Variants in TENM1 observed in about 807,000 individuals in gnomAD.
The protein encoded by TENM1 is teneurin-1.
TENM1 carries 35 observed loss-of-function variants against 174.8 expected under a neutral mutation model. That is an observed-to-expected ratio of 0.20 (90% CI 0.15 to 0.27). TENM1 has a LOEUF of 0.27. TENM1 is among the 10% of genes least tolerant of loss of function. TENM1 has a pLI of 1.00. For missense variants in TENM1, 1,633 were observed against 2,130.1 expected (o/e 0.77, Z 4.59); for synonymous variants, 781 against 798.7 (o/e 0.98, Z 0.37).
intron 5 of TENM1, among the ~76,000 whole-genome samples, chrX:124,701,928 T>C (rs1047766249): frequency 1.8e-5 from 2 of 111,690 alleles, no homozygotes; most frequent in African/African-American, 6.5e-5. Flanking sequence ...CGATTTCCCC[T>C]AGTGGATTGA....
chrX:125,084,250 T>A, the TENM1 span, among the ~76,000 whole-genome samples: 1 of 110,427 alleles, frequency 9.1e-6, no homozygotes, highest in Non-Finnish European at 1.9e-5. Flanking sequence ...CAGCCATCCA[T>A]CCATCCATTC....
the TENM1 span, among the ~76,000 whole-genome samples, chrX:125,013,508 G>T: frequency 9.0e-6 from 1 of 110,760 alleles, no homozygotes; most frequent in African/African-American, 3.3e-5. Flanking sequence ...ATTCATTTCT[G>T]CCTTTTGTTA....
At chrX:125,192,350 G>A in the TENM1 span, among the ~76,000 whole-genome samples, 18 of 112,188 alleles carry the variant, frequency 1.6e-4, no homozygotes, top group South Asian at 6.3e-3. Context: ...AAGCCTTGTA[G>A]GGCATTGTAA....
At chrX:124,614,945 G>T (rs2050364684) in intron 11 of TENM1, among the ~76,000 whole-genome samples, 1 of 111,878 alleles carries the variant, frequency 8.9e-6, no homozygotes, top group Admixed American at 9.5e-5. Flanking sequence ...ATAGAGACCA[G>T]GAGGAATTGA....
chrX:124,997,951 T>C, the TENM1 span, among the ~76,000 whole-genome samples: 2 of 110,438 alleles, frequency 1.8e-5, no homozygotes, highest in East Asian at 2.8e-4. Context: ...GTCAAGGCAA[T>C]GATCCTTGCA....
chrX:124,919,817 T>A (rs1381746539), intron 1 of TENM1, among the ~76,000 whole-genome samples: 2 of 111,363 alleles, frequency 1.8e-5, no homozygotes, highest in African/African-American at 6.5e-5. Flanking sequence ...ATTTAATCAA[T>A]GAGGGTAGCT....
chrX:124,495,563 G>A (rs2047180259), intron 20 of TENM1, among the ~76,000 whole-genome samples: 1 of 110,147 alleles, frequency 9.1e-6, no homozygotes, highest in East Asian at 2.9e-4. Flanking sequence ...ATTGCTTTTG[G>A]TGTTTTAGAC....
chrX:125,050,893 AG>A, the TENM1 span, among the ~76,000 whole-genome samples: 4 of 112,172 alleles, frequency 3.6e-5, no homozygotes, highest in Non-Finnish European at 5.6e-5. Context: ...AATTAGGAAA[AG>A]AGGAAGTCAA....
chrX:125,131,994 G>T, the TENM1 span, among the ~76,000 whole-genome samples: 2 of 112,449 alleles, frequency 1.8e-5, no homozygotes, highest in Non-Finnish European at 3.8e-5. Flanking sequence ...TCATTTGACA[G>T]TTGGGGTGAT....
intron 8 of TENM1, among the ~76,000 whole-genome samples, chrX:124,647,730 G>GGTGTGTGT (rs113751818): frequency 1.2e-4 from 12 of 103,892 alleles, no homozygotes; most frequent in African/African-American, 3.5e-4. Flanking sequence ...TTTTTTTTGT[G>GGTGTGTGT]GTGTGTGTGT....
chrX:124,769,081 CCTAT>C (rs1289618193), intron 3 of TENM1, among the ~76,000 whole-genome samples: 1 of 111,788 alleles, frequency 8.9e-6, no homozygotes, highest in African/African-American at 3.2e-5. Flanking sequence ...AGAAATTACA[CCTAT>C]CTAATGTTAA....
At chrX:125,034,379 G>A in the TENM1 span, among the ~76,000 whole-genome samples, 6 of 111,443 alleles carry the variant, frequency 5.4e-5, no homozygotes, top group Middle Eastern at 4.6e-3. Flanking sequence ...ACAAATTCTT[G>A]CTCAGTAAGT....
At chrX:125,183,644 A>C in the TENM1 span, among the ~76,000 whole-genome samples, 1 of 111,535 alleles carries the variant, frequency 9.0e-6, no homozygotes, top group Non-Finnish European at 1.9e-5. Context: ...AAAGTGAAGC[A>C]TTTTTATCAA....
intron 3 of TENM1, among the ~76,000 whole-genome samples, chrX:124,815,204 C>T (rs1282934708): frequency 9.0e-6 from 1 of 111,459 alleles, no homozygotes; most frequent in African/African-American, 3.3e-5. Context: ...TTTAGAAATG[C>T]TTATTTATAT....
At chrX:124,585,450 G>A (rs377563212) in intron 11 of TENM1, among the ~76,000 whole-genome samples, 3,050 of 110,894 alleles carry the variant, frequency 0.028, 51 homozygotes, top group African/African-American at 0.044. Context: ...GGTACATAAC[G>A]AAATGAAGGC....
chrX:124,726,681 C>A lies in TENM1; in HGVS notation c.776+10276G>T, dbSNP rs770828749. ...ATGTACATTTTGAGATTTTTTTTCT[C>A]CAGTCATTATTGAAGGAAAAAATTT... is the stretch of plus-strand genomic sequence containing the variant. On this transcript the variant is annotated intron_variant, in intron 4 of 31. Coordinates refer to ENST00000422452, the Ensembl canonical transcript of TENM1. Among the ~76,000 whole-genome samples, 3 of 111,420 alleles carry A rather than the reference C, an allele frequency of 2.7e-5. No homozygotes were observed. The South Asian group carries it at 1.1e-3, about 42-fold the overall frequency.
At position 124,874,686 on chromosome X, in the gene TENM1, T is replaced by C. The variant is rs1428192023; in HGVS notation, c.535+19610A>G. Among the ~76,000 whole-genome samples the C allele has an allele frequency of 2.7e-5, 3 of 111,064 alleles. 1 individual carries two copies. In the Admixed American group the frequency reaches 2.9e-4, roughly 11 times the overall value. On this transcript the variant is annotated intron_variant, in intron 3 of 31. Coordinates refer to ENST00000422452, the Ensembl canonical transcript of TENM1. ...ATAGTACTTATTTTCACATTTAATT[T>C]TGGGTCACCTAGAATTTATTCTGGT...
intron 2 of TENM1, among the ~76,000 whole-genome samples, chrX:124,894,825 C>A (rs1243191000): frequency 8.9e-6 from 1 of 111,881 alleles, no homozygotes; most frequent in Admixed American, 9.5e-5. Context: ...GGTCTCCTAA[C>A]TTCTATCCTA....
chrX:124,534,041 C>G (rs1477077442), intron 15 of TENM1, among the ~76,000 whole-genome samples: 1 of 111,819 alleles, frequency 8.9e-6, no homozygotes, highest in Admixed American at 9.5e-5. Context: ...GAATATCACC[C>G]CTCACAAGTG....
Sources: allele counts gnomAD v4.1 joint callset (sites outside exome capture counted in the v4.1 genomes callset), GRCh38; gene constraint gnomAD v4.1.1; transcripts MANE v1.5; gene names NCBI Gene and HGNC (gene_info 2026-07-23, HGNC 2026-07-21).